The following CLIP1 variants were observed in gnomAD, a reference collection of about 807,000 sequenced individuals.
CLIP1 encodes CAP-Gly domain containing linker protein 1.
In CLIP1, 66 loss-of-function variants were observed where a neutral mutation model predicts 161.6. That is an observed-to-expected ratio of 0.41 (90% CI 0.33 to 0.50). The LOEUF (loss-of-function observed/expected upper bound fraction) is 0.50. Among genes scored for constraint, CLIP1 ranks in the 20% least tolerant of loss-of-function variants. The probability of loss-of-function intolerance (pLI) is 0.27; values close to 1 mark genes in which losing one functional copy is unlikely to be tolerated. For missense variants in CLIP1, 1,376 were observed against 1,702.0 expected, an observed-to-expected ratio of 0.81 and a Z score of 3.37; for synonymous variants, 598 against 626.2, an observed-to-expected ratio of 0.96 and a Z score of 0.67.
chr12:122,357,594 G>A (rs1361465899), intron 5 of CLIP1, among the ~76,000 whole-genome samples: 3 of 139,604 alleles, frequency 2.1e-5, no homozygotes, highest in Admixed American at 1.4e-4. Flanking sequence ...CAGCCGCCCC[G>A]TCCGGAAGGT....
chr12:122,342,161 T>A (rs1952540620), intron 10 of CLIP1: 1 of 152,322 alleles, frequency 6.6e-6, no homozygotes, highest in Non-Finnish European at 1.5e-5. Flanking sequence ...CGTTTATAGG[T>A]TAATATATAT....
intron 1 of CLIP1, among the ~76,000 whole-genome samples, chr12:122,397,013 A>G (rs1221416755): frequency 1.4e-5 from 2 of 137,976 alleles, no homozygotes; most frequent in East Asian, 4.4e-4. Flanking sequence ...TCCTGGGTGC[A>G]AGCGATCCAC....
chr12:122,317,832 C>T (rs986640662), intron 18 of CLIP1, among the ~76,000 whole-genome samples: 4 of 152,232 alleles, frequency 2.6e-5, no homozygotes, highest in African/African-American at 9.6e-5. Context: ...ACAATGGGTC[C>T]GAAAATATGG....
chr12:122,340,725 G>T (rs777073780), intron 11 of CLIP1, 28 bp downstream of exon 11: 81 of 1,487,948 alleles, frequency 5.4e-5, no homozygotes, highest in Non-Finnish European at 7.2e-5. Context: ...AAATGGAAAA[G>T]AAAAGAATGG....
intron 1 of CLIP1, among the ~76,000 whole-genome samples, chr12:122,411,153 C>T (rs779810140): frequency 7.9e-5 from 12 of 152,202 alleles, no homozygotes; most frequent in South Asian, 6.2e-4. Flanking sequence ...TAGTGGCTTA[C>T]GCCTGTAATC....
intron 1 of CLIP1, among the ~76,000 whole-genome samples, chr12:122,419,917 ACT>A (rs1189256721): frequency 3.7e-4 from 40 of 107,158 alleles, no homozygotes; most frequent in Non-Finnish European, 4.4e-4. Flanking sequence ...GAGATGCGAG[ACT>A]CTGTCTCAAA....
intron 20 of CLIP1, among the ~76,000 whole-genome samples, chr12:122,289,805 G>GTTT (rs11286847): frequency 7.3e-6 from 1 of 136,768 alleles, no homozygotes. Context: ...CACTGTTAAT[G>GTTT]TTTTTTTTTT....
chr12:122,283,010 C>T (rs12580043), intron 21 of CLIP1, among the ~76,000 whole-genome samples: 11,941 of 152,176 alleles, frequency 0.078, 564 homozygotes, highest in African/African-American at 0.13. Flanking sequence ...GCTTTATTGT[C>T]AAACCAGTTT....
At chr12:122,402,358 C>T (rs908714890) in intron 1 of CLIP1, among the ~76,000 whole-genome samples, 1 of 152,056 alleles carries the variant, frequency 6.6e-6, no homozygotes, top group African/African-American at 2.4e-5. Context: ...TGTAGTGGCA[C>T]ACACCTGCAT....
At chr12:122,414,611 C>A (rs748322346) in intron 1 of CLIP1, among the ~76,000 whole-genome samples, 1 of 152,046 alleles carries the variant, frequency 6.6e-6, no homozygotes, top group Non-Finnish European at 1.5e-5. Context: ...ATTACAGGCA[C>A]CTGCCACCAT....
At position 122,355,164 on chromosome 12, in the gene CLIP1, A is replaced by G; in HGVS notation, c.1154T>C (p.Val385Ala). The G allele has an allele frequency of 2.5e-6, 4 of 1,614,158 alleles. No homozygotes were observed. Among genetic ancestry groups the G allele is most frequent in the Non-Finnish European group, 3.4e-6 (4 of 1,180,022 alleles). The change falls in exon 6 of 26, where the codon GTG becomes GCG. Residue 385 changes from valine to alanine, a missense_variant. Val to Ala is a moderately conservative substitution (Grantham distance 64, BLOSUM62 0). Transcript: ENST00000620786. This position sits in a 1 kb window ranked among gnomAD's most constrained non-coding sequence, Gnocchi z 4.1. ...RAEVAKATSH[V>A]GEIEQELALA... ...AGCTAGCTCCTGCTCTATCTCCCCC[A>G]CGTGGCTCGTGGCCTTGGCCACCTC...
Position 122,272,782 on chromosome 12 carries a change from G to T in CLIP1, c.*93C>A. On this transcript the variant is annotated 3_prime_UTR_variant, in exon 26 of 26. Transcript: ENST00000620786. ...TGTTGACGGGGTTAAAAAATAACAT[G>T]AGTTCTCCTGAAGTCTGCACACACA... 2 of 1,072,378 alleles carry T rather than the reference G, an allele frequency of 1.9e-6. No homozygotes were observed. The highest frequency in any genetic ancestry group is 2.8e-5 in the South Asian group (2 of 71,156). 66.4% of individuals were successfully genotyped at this position (1,072,378 alleles called of 1,614,324 possible).
At chr12:122,415,815 T>C (rs557194798) in intron 1 of CLIP1, among the ~76,000 whole-genome samples, 1 of 150,994 alleles carries the variant, frequency 6.6e-6, no homozygotes, top group South Asian at 2.1e-4. Flanking sequence ...GGAGACTCCA[T>C]CTCAAAAAAA....
intron 1 of CLIP1, among the ~76,000 whole-genome samples, chr12:122,394,232 G>A (rs1292934979): frequency 6.6e-6 from 1 of 152,032 alleles, no homozygotes; most frequent in Non-Finnish European, 1.5e-5. Flanking sequence ...GCTCACGCCT[G>A]TAATCCCAGT....
chr12:122,363,498 A>G (rs1178416461), intron 4 of CLIP1, among the ~76,000 whole-genome samples: 1 of 150,278 alleles, frequency 6.7e-6, no homozygotes, highest in East Asian at 1.9e-4. Flanking sequence ...CCTGTCTCAA[A>G]AAAAAAAAAA....
At chr12:122,322,455 C>T (rs998558087) in intron 17 of CLIP1, 1 of 152,684 alleles carries the variant, frequency 6.5e-6, no homozygotes, top group African/African-American at 2.4e-5. Flanking sequence ...TCCTGCAGCT[C>T]TGCCTTGGAT....
At chr12:122,421,584 G>A (rs1956945303) in intron 1 of CLIP1, among the ~76,000 whole-genome samples, 1 of 152,148 alleles carries the variant, frequency 6.6e-6, no homozygotes, top group Non-Finnish European at 1.5e-5. Flanking sequence ...TTAAAAAACA[G>A]TTCACTGGCG....
At chr12:122,348,903 G>C (rs1241513376) in intron 9 of CLIP1, among the ~76,000 whole-genome samples, 1 of 152,078 alleles carries the variant, frequency 6.6e-6, no homozygotes, top group African/African-American at 2.4e-5. Context: ...CATTCCAGTG[G>C]GACTCGGGGA....
In CLIP1 at chr12:122,355,849, T is replaced by TA. The variant is rs1303055992; in HGVS notation, c.1006-538dup. 6.5e-6 allele frequency: 1 copy of TA among 153,980 alleles called. No individual in the cohort carries two copies. The highest frequency in any genetic ancestry group is 1.4e-5 in the Non-Finnish European group (1 of 69,400). 9.5% of individuals were successfully genotyped at this position (153,980 alleles called of 1,614,324 possible). On this transcript the variant is annotated intron_variant, in intron 5 of 25. Transcript: ENST00000620786. The surrounding 1 kb of genome is among the most constrained non-coding windows in gnomAD (Gnocchi z 4.1). ...AGGCTGTTCTCGAACTCTAAAGTGC[T>TA]AAGGTTACAGGTGTGAGCCACCGCG...
Sources: gnomAD v4.1 joint callset for allele counts (sites outside exome capture counted in the v4.1 genomes callset) on GRCh38, gnomAD v4.1.1 for gene constraint, Gnocchi (gnomAD v3.1) non-coding constraint, MANE v1.5 for transcripts, NCBI Gene and HGNC (gene_info 2026-07-23, HGNC 2026-07-21) for gene names.